ARL13B: variants seen among roughly 807,000 people sequenced by gnomAD.
ARL13B encodes the protein ADP-ribosylation factor-like protein 13B.
Under a neutral mutation model 56.1 loss-of-function variants are expected in ARL13B, and 36 were observed. The observed-to-expected ratio is 0.64, with a 90% CI of 0.49 to 0.85. The LOEUF is 0.85. ARL13B is among the 40% of genes least tolerant of loss of function. ARL13B has a pLI of 0.00. For missense variants in ARL13B, 519 were observed against 507.1 expected (o/e 1.02, Z -0.23); for synonymous variants, 178 against 171.1 (o/e 1.04, Z -0.32).
chr3:94,000,777 T>TC (rs1323827370), intron 2 of ARL13B, among the ~76,000 whole-genome samples: 1 of 152,150 alleles, frequency 6.6e-6, no homozygotes, highest in African/African-American at 2.4e-5. Flanking sequence ...TGATTGTATA[T>TC]TTGCATTTTA....
At chr3:93,991,406 G>T (rs1375348231) in intron 1 of ARL13B, among the ~76,000 whole-genome samples, 7 of 152,262 alleles carry the variant, frequency 4.6e-5, no homozygotes, top group Admixed American at 1.3e-4. Flanking sequence ...GGATGACAGG[G>T]TCTCATTCTG....
rs786205563 is a variant in ARL13B, at chr3:94,039,955, T to C, written c.765T>C (p.Asn255=). The change falls in exon 6 of 10, where the codon AAT becomes AAC. Residue 255 remains asparagine, a synonymous_variant. Coordinates refer to ENST00000394222, the MANE Select transcript of ARL13B (RefSeq NM_001174150.2). ...CTGAGTTGGACCCAGAACCAACGAA[T>C]CCTTTCCAGCCAATAGCATCTGTAA... ...GLAELDPEPT[N]PFQPIASVII... is the part of the protein sequence containing the mutation. The C allele has an allele frequency of 6.2e-7, 1 of 1,614,030 alleles. No homozygotes were observed. The highest frequency in any genetic ancestry group is 8.5e-7 in the Non-Finnish European group (1 of 1,179,986).
At chr3:93,998,055 A>C (rs1575946406) in intron 2 of ARL13B, among the ~76,000 whole-genome samples, 1 of 152,206 alleles carries the variant, frequency 6.6e-6, no homozygotes, top group East Asian at 1.9e-4. Context: ...TCCGGCACTG[A>C]AATTTGAATT....
chr3:94,015,372 G>T, intron 3 of ARL13B: 1 of 929,076 alleles, frequency 1.1e-6, no homozygotes, highest in Non-Finnish European at 1.5e-6. Context: ...CTATATCCCA[G>T]CAAAAGTTCT....
chr3:94,036,356 T>A (rs2076767262), intron 4 of ARL13B, among the ~76,000 whole-genome samples, 196 bp from the exon 5 acceptor site: 1 of 152,202 alleles, frequency 6.6e-6, no homozygotes, highest in African/African-American at 2.4e-5. Context: ...ACAGATGTTA[T>A]CTGTAAAATA....
In ARL13B at chr3:94,054,244, C is replaced by T. The variant is rs981887637; in HGVS notation, c.*981C>T. On this transcript the variant is annotated 3_prime_UTR_variant, in exon 10 of 10. Coordinates refer to ENST00000394222, the MANE Select transcript of ARL13B (RefSeq NM_001174150.2). Reference sequence around the variant, plus strand: ...AAAAACTGGAAAACCTACTGCAGGTCCAGAGACTTCTGTTTTACAACTGGG... The same window carrying T: ...AAAAACTGGAAAACCTACTGCAGGTTCAGAGACTTCTGTTTTACAACTGGG... The T allele has an allele frequency of 2.9e-5, 13 of 452,162 alleles. No homozygotes were observed. The highest frequency in any genetic ancestry group is 2.8e-4 in the Admixed American group (12 of 42,500). The allele number at this position is 452,162 out of a possible 1,614,324, so 28.0% of individuals were successfully genotyped here. A position where few individuals can be genotyped will look rare whatever the true frequency, so the allele number is the denominator to read the frequency against.
At chr3:94,002,927 A>G (rs2076076863) in intron 2 of ARL13B, among the ~76,000 whole-genome samples, 1 of 152,102 alleles carries the variant, frequency 6.6e-6, no homozygotes, top group Non-Finnish European at 1.5e-5. Context: ...TACAGCTTTA[A>G]GGCCTAAATT....
chr3:94,023,085 T>G, intron 3 of ARL13B, among the ~76,000 whole-genome samples: 1 of 152,088 alleles, frequency 6.6e-6, no homozygotes. Context: ...TTCCTCACCT[T>G]TCTTGGTTTA....
chr3:94,017,004 T>C (rs1318759900), intron 3 of ARL13B, among the ~76,000 whole-genome samples: 1 of 152,164 alleles, frequency 6.6e-6, no homozygotes, highest in East Asian at 1.9e-4. Flanking sequence ...AATAATAGTC[T>C]GATGTATGGA....
At chr3:94,048,613 G>A (rs2077019645) in intron 7 of ARL13B, among the ~76,000 whole-genome samples, 1 of 150,702 alleles carries the variant, frequency 6.6e-6, no homozygotes, top group Admixed American at 6.6e-5. Flanking sequence ...TTTTTTCTGA[G>A]ATAGATTCTC....
chr3:94,042,350 T>C (rs114998569), intron 6 of ARL13B, among the ~76,000 whole-genome samples: 1 of 152,122 alleles, frequency 6.6e-6, no homozygotes, highest in South Asian at 2.1e-4. Context: ...TGTTAGCAAT[T>C]TAATCTAAAA....
At chr3:94,044,138 C>T (rs558266607) in intron 7 of ARL13B, among the ~76,000 whole-genome samples, 3 of 147,774 alleles carry the variant, frequency 2.0e-5, no homozygotes, top group South Asian at 4.4e-4. Flanking sequence ...TGTGAGGAGC[C>T]CCTCTGCCCG....
chr3:93,993,727 TAAAAC>T (rs940632232), intron 1 of ARL13B, among the ~76,000 whole-genome samples: 8 of 152,380 alleles, frequency 5.3e-5, no homozygotes, highest in South Asian at 4.1e-4. Context: ...TATGAATTCT[TAAAAC>T]AAAATAATAA....
chr3:94,035,537 T>G, intron 4 of ARL13B, 101 bp downstream of exon 4: 1 of 784,466 alleles, frequency 1.3e-6, no homozygotes, highest in Non-Finnish European at 2.1e-6. Context: ...AAAGGCAATG[T>G]TTTCAAAGAA....
chr3:93,986,209 C>T (rs1272168084), intron 1 of ARL13B, among the ~76,000 whole-genome samples: 1 of 152,038 alleles, frequency 6.6e-6, no homozygotes, highest in Non-Finnish European at 1.5e-5. Flanking sequence ...TTATTTTACC[C>T]CCTTATATTT....
At chr3:94,030,450 G>T (rs983400591) in intron 3 of ARL13B, among the ~76,000 whole-genome samples, 3 of 147,872 alleles carry the variant, frequency 2.0e-5, no homozygotes, top group African/African-American at 7.5e-5. Flanking sequence ...GGCAAAGCTG[G>T]TCTTGAACCC....
chr3:94,017,629 T>C (rs1034065155), intron 3 of ARL13B, among the ~76,000 whole-genome samples: 1 of 152,234 alleles, frequency 6.6e-6, no homozygotes, highest in African/African-American at 2.4e-5. Flanking sequence ...CCTTGAGGAA[T>C]TTATAATTTA....
intron 6 of ARL13B, among the ~76,000 whole-genome samples, chr3:94,041,262 A>C (rs1382633384): frequency 6.6e-6 from 1 of 152,178 alleles, no homozygotes; most frequent in Non-Finnish European, 1.5e-5. Flanking sequence ...GAATATTAAT[A>C]AACCTATTTA....
chr3:93,980,661 A>G (rs188187994), intron 1 of ARL13B, among the ~76,000 whole-genome samples, 179 bp downstream of exon 1: 1 of 151,744 alleles, frequency 6.6e-6, no homozygotes, highest in East Asian at 1.9e-4. Flanking sequence ...TGTCTGGTCG[A>G]CTTTCTGTTG....
Sources: gnomAD v4.1 joint callset for allele counts (sites outside exome capture counted in the v4.1 genomes callset) on GRCh38, gnomAD v4.1.1 for gene constraint, MANE v1.5 for transcripts, NCBI Gene and HGNC (gene_info 2026-07-23, HGNC 2026-07-21) for gene names.